The following ASIC2 variants were observed in gnomAD, a reference collection of about 807,000 sequenced individuals.
The protein encoded by ASIC2 is acid-sensing ion channel 2.
Under a neutral mutation model 57.3 loss-of-function variants are expected in ASIC2, and 25 were observed. The observed-to-expected ratio is 0.44, with a 90% CI of 0.32 to 0.61. The LOEUF is 0.61. ASIC2 is among the 20% of genes least tolerant of loss of function. The pLI, the probability that ASIC2 is intolerant of heterozygous loss-of-function variation, is 0.06. For synonymous variants in ASIC2, 319 were observed against 307.5 expected, an observed-to-expected ratio of 1.04 and a Z score of -0.39; for missense variants, 641 against 738.1, an observed-to-expected ratio of 0.87 and a Z score of 1.52.
intron 1 of ASIC2, among the ~76,000 whole-genome samples, chr17:34,059,214 C>G (rs765721169): frequency 5.3e-5 from 8 of 152,224 alleles, no homozygotes; most frequent in African/African-American, 9.7e-5. Context: ...GGAGACCCTT[C>G]TCTCCCAAAC....
At chr17:33,206,530 T>A (rs975626430) in intron 1 of ASIC2, among the ~76,000 whole-genome samples, 14 of 152,136 alleles carry the variant, frequency 9.2e-5, no homozygotes, top group African/African-American at 3.4e-4. Context: ...TTCTTACTGA[T>A]GAATTATGAG....
At chr17:34,000,365 C>G in intron 1 of ASIC2, among the ~76,000 whole-genome samples, 1 of 150,868 alleles carries the variant, frequency 6.6e-6, no homozygotes, top group African/African-American at 2.4e-5. Context: ...AATTCTCTTG[C>G]CTCAGCCTCT....
intron 1 of ASIC2, among the ~76,000 whole-genome samples, chr17:33,251,806 T>C (rs1240305266): frequency 6.6e-6 from 1 of 152,170 alleles, no homozygotes; most frequent in African/African-American, 2.4e-5. Flanking sequence ...AGATCTGTAT[T>C]CAAAGACTGT....
intron 1 of ASIC2, among the ~76,000 whole-genome samples, chr17:33,286,397 C>G (rs2142175624): frequency 6.6e-6 from 1 of 152,234 alleles, no homozygotes; most frequent in South Asian, 2.1e-4. Context: ...TCTCCACAGT[C>G]TAACAACCAG....
In ASIC2 at chr17:33,173,984, G is replaced by T. The variant is rs530734431; in HGVS notation, c.709-61917C>A. Among the ~76,000 whole-genome samples, 10 of 152,240 alleles carry T rather than the reference G, an allele frequency of 6.6e-5. No individual in the cohort carries two copies. The East Asian group carries it at 1.9e-3, about 29-fold the overall frequency. On this transcript the variant is annotated intron_variant, in intron 1 of 9. Coordinates refer to ENST00000225823, the MANE Select transcript of ASIC2 (RefSeq NM_183377.2). ...CTGGTGCCATAGAGGCCCCACAAGT[G>T]CCTCTGCTGCCTCAGAGGTCTGCTC...
intron 1 of ASIC2, among the ~76,000 whole-genome samples, chr17:33,754,976 A>T (rs943306527): frequency 6.6e-6 from 1 of 150,436 alleles, no homozygotes; most frequent in Non-Finnish European, 1.5e-5. Flanking sequence ...AAAAAAAAAA[A>T]AAAGAACAGT....
chr17:33,890,080 G>A (rs952616663), intron 1 of ASIC2, among the ~76,000 whole-genome samples: 1 of 152,078 alleles, frequency 6.6e-6, no homozygotes, highest in Non-Finnish European at 1.5e-5. Flanking sequence ...GCCACAAGTC[G>A]TTATTTAAAT....
At chr17:33,514,035 C>T (rs975753378) in intron 1 of ASIC2, among the ~76,000 whole-genome samples, 2 of 152,192 alleles carry the variant, frequency 1.3e-5, no homozygotes, top group African/African-American at 4.8e-5. Context: ...ACACATGGAA[C>T]CTCGTGTACC....
At chr17:33,769,856 T>C (rs1022325183) in intron 1 of ASIC2, among the ~76,000 whole-genome samples, 2 of 152,188 alleles carry the variant, frequency 1.3e-5, no homozygotes, top group African/African-American at 4.8e-5. Flanking sequence ...TGTCCTCACA[T>C]GGTGAAGAGC....
At chr17:33,845,620 T>C (rs977212072) in intron 1 of ASIC2, among the ~76,000 whole-genome samples, 1 of 152,192 alleles carries the variant, frequency 6.6e-6, no homozygotes, top group South Asian at 2.1e-4. Context: ...ATAGTCCTGC[T>C]GAGATGATGG....
intron 1 of ASIC2, among the ~76,000 whole-genome samples, chr17:33,602,074 C>A (rs190302265): frequency 7.2e-5 from 11 of 152,288 alleles, no homozygotes; most frequent in Admixed American, 2.0e-4. Context: ...AATAATTTAT[C>A]TCAGGACAAA....
At chr17:33,434,254 A>G (rs115057103) in intron 1 of ASIC2, among the ~76,000 whole-genome samples, 12 of 152,232 alleles carry the variant, frequency 7.9e-5, no homozygotes, top group Admixed American at 2.0e-4. Context: ...AAAGAAAACC[A>G]AAGTAAGGAA....
At chr17:33,873,554 A>G (rs1191168654) in intron 1 of ASIC2, among the ~76,000 whole-genome samples, 1 of 152,188 alleles carries the variant, frequency 6.6e-6, no homozygotes, top group African/African-American at 2.4e-5. Flanking sequence ...GTGACCTTGT[A>G]TAGGTTTCTT....
intron 1 of ASIC2, among the ~76,000 whole-genome samples, chr17:33,985,871 A>G (rs545280751): frequency 2.0e-5 from 3 of 152,298 alleles, no homozygotes; most frequent in East Asian, 1.9e-4. Flanking sequence ...CTTCCCTGAG[A>G]AGACACAATA....
chr17:33,028,224 C>A lies in ASIC2; in HGVS notation c.1138+18G>T, dbSNP rs747350955. ...GGCAGATCCCAGGGCCCTGTGGCCACCCTGCCCTGGCACTGACCTGGCATG... is the reference window on the plus strand; with the variant it reads ...GGCAGATCCCAGGGCCCTGTGGCCAACCTGCCCTGGCACTGACCTGGCATG... On this transcript the variant is annotated intron_variant, in intron 4 of 9. Coordinates refer to ENST00000225823, the MANE Select transcript of ASIC2 (RefSeq NM_183377.2). 11 of 1,612,924 alleles carry A rather than the reference C, an allele frequency of 6.8e-6. No individual in the cohort carries two copies. The highest frequency in any genetic ancestry group is 2.7e-5 in the African/African-American group (2 of 74,888).
rs1230646562 is a variant in ASIC2 at position 33,328,396 on chromosome 17, G to T, written c.556-216329C>A. ...GTTGAGAATCACGAGCCGGATCAAA[G>T]CTACCCAGAATTCAGAGGGAGTTGG... is the stretch of plus-strand genomic sequence containing the variant. On this transcript the variant is annotated intron_variant, in intron 1 of 9. Coordinates refer to the ASIC2 transcript ENST00000359872. Among the ~76,000 whole-genome samples, 8 of 152,156 alleles carry T rather than the reference G, an allele frequency of 5.3e-5. No homozygotes were observed. In the South Asian group the frequency reaches 1.5e-3, roughly 28 times the overall value.
At position 33,373,986 on chromosome 17, in the gene ASIC2, T is replaced by C. The variant is rs190821558; in HGVS notation, c.556-261919A>G. On this transcript the variant is annotated intron_variant, in intron 1 of 9. Coordinates refer to the ASIC2 transcript ENST00000359872. ...AACCACTGCGCCCTGCTGTTCTTTA[T>C]TTTTTATTTATTTATTTACTTATTT... Among the ~76,000 whole-genome samples, 3 of 151,868 alleles carry C rather than the reference T, an allele frequency of 2.0e-5. No individual in the cohort carries two copies. In the East Asian group the frequency reaches 5.9e-4, roughly 30 times the overall value.
At chr17:34,041,883 T>A (rs1413424162) in intron 1 of ASIC2, among the ~76,000 whole-genome samples, 1 of 152,252 alleles carries the variant, frequency 6.6e-6, no homozygotes, top group African/African-American at 2.4e-5. Context: ...TACCCTTTAG[T>A]AACACAAACC....
At chr17:34,059,055 C>A (rs1190848564) in intron 1 of ASIC2, among the ~76,000 whole-genome samples, 2 of 152,180 alleles carry the variant, frequency 1.3e-5, no homozygotes, top group South Asian at 2.1e-4. Flanking sequence ...TGGAGGCTTG[C>A]ACTGTAGATT....
Sources: allele counts gnomAD v4.1 joint callset (sites outside exome capture counted in the v4.1 genomes callset), GRCh38; gene constraint gnomAD v4.1.1; transcripts MANE v1.5; gene names NCBI Gene and HGNC (gene_info 2026-07-23, HGNC 2026-07-21).